OTOGL: variants seen among roughly 807,000 people sequenced by gnomAD.
The protein encoded by OTOGL is otogelin like.
OTOGL carries 285 observed loss-of-function variants against 318.5 expected under a neutral mutation model. The ratio of observed to expected loss-of-function variants is 0.89; its 90% confidence interval spans 0.81 to 0.99. OTOGL has a LOEUF of 0.99. Ranked by LOEUF, OTOGL falls within the 50% of genes least tolerant of loss-of-function variation. The probability of loss-of-function intolerance (pLI) is 0.00; values close to 1 mark genes in which losing one functional copy is unlikely to be tolerated. For missense variants in OTOGL, 2,899 were observed against 2,845.6 expected (o/e 1.02, Z -0.43); for synonymous variants, 987 against 936.5 (o/e 1.05, Z -0.99).
At chr12:80,100,071 C>T (rs2137061562) in intron 1 of OTOGL, among the ~76,000 whole-genome samples, 1 of 152,284 alleles carries the variant, frequency 6.6e-6, no homozygotes, top group South Asian at 2.1e-4. Flanking sequence ...GGGCTAAGTT[C>T]TCCCGCTTCC....
chr12:80,311,893 A>T (rs939620364), intron 30 of OTOGL, among the ~76,000 whole-genome samples: 1 of 152,162 alleles, frequency 6.6e-6, no homozygotes, highest in Non-Finnish European at 1.5e-5. Flanking sequence ...GGTGATATTA[A>T]CAAATGTGAC....
intron 1 of OTOGL, among the ~76,000 whole-genome samples, chr12:80,188,811 G>A (rs924059829): frequency 6.6e-6 from 1 of 152,076 alleles, no homozygotes; most frequent in Admixed American, 6.6e-5. Flanking sequence ...ATAAACAATC[G>A]ATCCTCCACA....
chr12:80,364,557 A>C (rs1379314727), intron 52 of OTOGL, among the ~76,000 whole-genome samples: 1 of 152,128 alleles, frequency 6.6e-6, no homozygotes. Flanking sequence ...TACCTATTGC[A>C]GTCGTTCCTC....
chr12:80,138,656 C>T (rs1390564364), intron 1 of OTOGL, among the ~76,000 whole-genome samples: 15 of 152,008 alleles, frequency 9.9e-5, no homozygotes, highest in Admixed American at 9.2e-4. Context: ...GCTACATTAG[C>T]ACTTTGAAGC....
rs1406844981 is a variant in OTOGL at position 80,220,628 on chromosome 12, T to TAA, written c.334+718_334+719dup. On this transcript the variant is annotated intron_variant, in intron 6 of 58. Coordinates refer to ENST00000547103, the MANE Select transcript of OTOGL (RefSeq NM_001378609.3). ...GGGCAAGGGCTTTTTTTTTTTTTTT[T>TAA]AAATCTTTTATCCACAGTGTCTAAG... 8.6e-4 allele frequency among the ~76,000 whole-genome samples: 100 copies of TAA among 116,780 alleles called. 10 individuals are homozygous for TAA. The highest frequency in any genetic ancestry group is 3.1e-3 in the African/African-American group (99 of 31,822). The allele number at this position is 116,780 out of a possible 152,430, so 76.6% of individuals were successfully genotyped here.
intron 1 of OTOGL, among the ~76,000 whole-genome samples, chr12:80,146,748 T>C (rs1304262271): frequency 1.3e-5 from 2 of 151,616 alleles, no homozygotes; most frequent in Admixed American, 1.3e-4. Context: ...CTGTTATTGG[T>C]CTATTCAGAG....
intron 55 of OTOGL, among the ~76,000 whole-genome samples, chr12:80,369,627 G>T (rs1322918183): frequency 6.6e-6 from 1 of 152,048 alleles, no homozygotes; most frequent in East Asian, 1.9e-4. Flanking sequence ...TTGTCCAGCA[G>T]CACGAAAAGT....
chr12:80,251,323 T>C (rs550796376), intron 11 of OTOGL, among the ~76,000 whole-genome samples: 3 of 152,334 alleles, frequency 2.0e-5, no homozygotes, highest in African/African-American at 4.8e-5. Context: ...ACAGGACTTA[T>C]TAAATTCTAA....
chr12:80,180,862 T>G (rs527959240), intron 1 of OTOGL, among the ~76,000 whole-genome samples: 5 of 152,178 alleles, frequency 3.3e-5, no homozygotes, highest in Non-Finnish European at 7.4e-5. Context: ...CCCCTTTTTG[T>G]GAACCTCTTT....
At chr12:80,260,138 T>A (rs1021043570) in intron 18 of OTOGL, among the ~76,000 whole-genome samples, 33 of 152,086 alleles carry the variant, frequency 2.2e-4, no homozygotes, top group African/African-American at 7.7e-4. Context: ...TGAGGTAGAA[T>A]GTTTAGTGGG....
At chr12:80,274,575 A>G (rs1883654584) in intron 24 of OTOGL, among the ~76,000 whole-genome samples, 1 of 152,062 alleles carries the variant, frequency 6.6e-6, no homozygotes, top group Non-Finnish European at 1.5e-5. Flanking sequence ...CAGAAAATGC[A>G]ACTAAGATAA....
chr12:80,342,091 T>C lies in OTOGL; in HGVS notation c.5194T>C (p.Cys1732Arg). Residue 1732 changes from cysteine to arginine, a missense_variant, in exon 44 of 59, where the codon TGT becomes CGT. Cys to Arg is a radical substitution (Grantham distance 180, BLOSUM62 -3). Coordinates refer to ENST00000547103, the MANE Select transcript of OTOGL (RefSeq NM_001378609.3). ...EVTMRRPVRN[C>R]TEHDCSQCID... ...AACAATGAGAAGACCTGTTAGGAAT[T>C]GTACTGAGCATGATTGCAGCCAGTG... 6.2e-7 allele frequency: 1 copy of C among 1,606,644 alleles called. No homozygotes were observed. The highest frequency in any genetic ancestry group is 8.5e-7 in the Non-Finnish European group (1 of 1,175,952).
chr12:80,175,156 A>C (rs1241178219), intron 1 of OTOGL, among the ~76,000 whole-genome samples: 1 of 152,128 alleles, frequency 6.6e-6, no homozygotes, highest in Non-Finnish European at 1.5e-5. Context: ...TACACTCTTA[A>C]TGGAAATAAA....
At chr12:80,128,055 C>T (rs1207593385) in intron 1 of OTOGL, among the ~76,000 whole-genome samples, 2 of 152,214 alleles carry the variant, frequency 1.3e-5, no homozygotes, top group Non-Finnish European at 2.9e-5. Flanking sequence ...AAGTCATTTT[C>T]CATCCAGCTT....
intron 1 of OTOGL, among the ~76,000 whole-genome samples, chr12:80,166,331 A>T (rs1873830273): frequency 6.6e-6 from 1 of 152,052 alleles, no homozygotes; most frequent in African/African-American, 2.4e-5. Context: ...CTTCTACATT[A>T]TTAGACAAGC....
intron 29 of OTOGL, among the ~76,000 whole-genome samples, chr12:80,309,353 C>A (rs1419444257): frequency 6.6e-6 from 1 of 151,958 alleles, no homozygotes; most frequent in Non-Finnish European, 1.5e-5. Context: ...GGAGAAGGTA[C>A]CCTGCAGGTG....
chr12:80,264,652 G>A (rs1197462603), intron 19 of OTOGL, among the ~76,000 whole-genome samples: 2 of 152,074 alleles, frequency 1.3e-5, no homozygotes, highest in South Asian at 2.1e-4. Flanking sequence ...TGTTATATGT[G>A]GATGTCTGGA....
chr12:80,342,759 G>A (rs764222506), intron 44 of OTOGL, among the ~76,000 whole-genome samples: 13 of 152,190 alleles, frequency 8.5e-5, no homozygotes, highest in South Asian at 4.2e-4. Context: ...TGAATAGGGC[G>A]CTCTCCTTGC....
At chr12:80,323,696 C>T in intron 34 of OTOGL, 27 bp from the exon 35 acceptor site, 4 of 1,535,716 alleles carry the variant, frequency 2.6e-6, no homozygotes, top group African/African-American at 1.4e-5. Context: ...TAAATATGCA[C>T]ACAATCTAAA....
Sources: allele counts gnomAD v4.1 joint callset (sites outside exome capture counted in the v4.1 genomes callset), GRCh38; gene constraint gnomAD v4.1.1; transcripts MANE v1.5; gene names NCBI Gene and HGNC (gene_info 2026-07-23, HGNC 2026-07-21).